Variants in TEX26 observed in about 807,000 individuals in gnomAD.
The protein encoded by TEX26 is testis-expressed protein 26.
In TEX26, 34 loss-of-function variants were observed where a neutral mutation model predicts 35.3. The observed-to-expected ratio is 0.96, with a 90% CI of 0.73 to 1.28. The LOEUF (loss-of-function observed/expected upper bound fraction) is 1.28. Ranked by LOEUF, TEX26 falls within the 50% of genes most tolerant of loss-of-function variation. TEX26 has a pLI of 0.00. For missense variants in TEX26, 371 were observed against 330.1 expected (o/e 1.12, Z -0.96); for synonymous variants, 136 against 111.8 (o/e 1.22, Z -1.36).
chr13:30,934,726 A>G (rs374239296), intron 1 of TEX26, among the ~76,000 whole-genome samples: 4 of 152,224 alleles, frequency 2.6e-5, no homozygotes, highest in South Asian at 2.1e-4. Context: ...CTGAGTTGGG[A>G]TGGGAGCTCC....
intron 1 of TEX26, chr13:30,933,068 G>T (rs1229263409): frequency 4.0e-5 from 13 of 321,206 alleles, no homozygotes; most frequent in South Asian, 1.0e-4. Context: ...AGGAAGAACT[G>T]GTGATTTTCC....
chr13:30,974,975 T>C lies in TEX26; in HGVS notation c.*68T>C, dbSNP rs1954835336. The C allele has an allele frequency of 1.1e-5, 12 of 1,106,368 alleles. No individual in the cohort carries two copies. The highest frequency in any genetic ancestry group is 3.8e-6 in the Non-Finnish European group (3 of 781,514). 68.5% of individuals were successfully genotyped at this position (1,106,368 alleles called of 1,614,324 possible). On this transcript the variant is annotated 3_prime_UTR_variant, in exon 7 of 7. Coordinates refer to ENST00000380473, the MANE Select transcript of TEX26 (RefSeq NM_152325.3). ...GAAGCACGAGGACATTCCTAGTCATTTTCTCAATTATCAAGGAAAAATAAG... is the reference window on the plus strand; with the variant it reads ...GAAGCACGAGGACATTCCTAGTCATCTTCTCAATTATCAAGGAAAAATAAG...
intron 4 of TEX26, among the ~76,000 whole-genome samples, chr13:30,963,073 C>T (rs543166232): frequency 6.6e-6 from 1 of 152,122 alleles, no homozygotes; most frequent in African/African-American, 2.4e-5. Context: ...CGTGATCCAC[C>T]CGCCTCGGCC....
rs1207278379 is a variant in TEX26 at position 30,968,916 on chromosome 13, C to T, written c.678C>T (p.Asn226=). 20 of 1,613,850 alleles carry T rather than the reference C, an allele frequency of 1.2e-5. No homozygotes were observed. The highest frequency in any genetic ancestry group is 1.5e-5 in the Non-Finnish European group (18 of 1,179,954). The change falls in exon 6 of 7, where the codon AAC becomes AAT. Residue 226 remains asparagine, a synonymous_variant. Coordinates refer to ENST00000380473, the MANE Select transcript of TEX26 (RefSeq NM_152325.3). The stretch of plus-strand genomic sequence containing the variant: ...CTGTGCTGCACAGCTACCTGAGGAA[C>T]CAAGAGCACACAAAGAAACAGACCA... ...VPSVLHSYLR[N]QEHTKKQTTY...
intron 1 of TEX26, among the ~76,000 whole-genome samples, chr13:30,938,759 T>G (rs1178551518): frequency 6.6e-6 from 1 of 152,178 alleles, no homozygotes; most frequent in African/African-American, 2.4e-5. Flanking sequence ...CTGGGACACT[T>G]TTTTTGACTT....
At chr13:30,940,169 C>G (rs1953424560) in intron 2 of TEX26, among the ~76,000 whole-genome samples, 1 of 151,944 alleles carries the variant, frequency 6.6e-6, no homozygotes, top group Admixed American at 6.6e-5. Context: ...TACTTGTTAT[C>G]ATAGCATCAC....
chr13:30,955,175 T>A (rs1254269677), intron 3 of TEX26, among the ~76,000 whole-genome samples: 19 of 152,220 alleles, frequency 1.2e-4, no homozygotes, highest in Admixed American at 1.2e-3. Context: ...TGATGAGCTT[T>A]AAAAAATGAA....
At chr13:30,943,978 T>C (rs1357499582) in intron 2 of TEX26, among the ~76,000 whole-genome samples, 1 of 152,050 alleles carries the variant, frequency 6.6e-6, no homozygotes, top group Non-Finnish European at 1.5e-5. Context: ...ATAAAATGAG[T>C]CGGAGAGGAT....
intron 2 of TEX26, among the ~76,000 whole-genome samples, chr13:30,950,972 G>A (rs539085014): frequency 6.6e-6 from 1 of 152,198 alleles, no homozygotes; most frequent in Non-Finnish European, 1.5e-5. Context: ...GTTCTCAGGT[G>A]GATATGTTCT....
At chr13:30,951,457 T>C (rs1038178401) in intron 2 of TEX26, among the ~76,000 whole-genome samples, 1 of 152,228 alleles carries the variant, frequency 6.6e-6, no homozygotes, top group Non-Finnish European at 1.5e-5. Context: ...TGGATGTTTT[T>C]TTCTAACTTC....
At chr13:30,972,439 G>A (rs1471435178) in intron 6 of TEX26, among the ~76,000 whole-genome samples, 1 of 151,404 alleles carries the variant, frequency 6.6e-6, no homozygotes, top group Non-Finnish European at 1.5e-5. Context: ...GGTATCAGAA[G>A]AAAGGATTTT....
chr13:30,971,028 A>G (rs1034956392), intron 6 of TEX26, among the ~76,000 whole-genome samples: 2 of 152,220 alleles, frequency 1.3e-5, no homozygotes, highest in African/African-American at 2.4e-5. Context: ...CTGAAGGCTC[A>G]TGCCCCAGAG....
intron 2 of TEX26, among the ~76,000 whole-genome samples, chr13:30,950,838 C>A (rs1953893945): frequency 1.3e-5 from 2 of 152,122 alleles, no homozygotes; most frequent in South Asian, 4.2e-4. Context: ...ACTGGGGGAC[C>A]CCCTCAGGGT....
At chr13:30,934,869 G>A (rs185307641) in intron 1 of TEX26, among the ~76,000 whole-genome samples, 52 of 152,316 alleles carry the variant, frequency 3.4e-4, no homozygotes, top group African/African-American at 1.2e-3. Flanking sequence ...GCCTCCCTGT[G>A]CCTCTGAGCC....
intron 2 of TEX26, among the ~76,000 whole-genome samples, chr13:30,941,231 A>G (rs1375406650): frequency 6.6e-6 from 1 of 152,184 alleles, no homozygotes; most frequent in African/African-American, 2.4e-5. Flanking sequence ...TTCCCACCAT[A>G]GTATGTGATA....
At chr13:30,951,082 C>T (rs1201788136) in intron 2 of TEX26, among the ~76,000 whole-genome samples, 1 of 152,160 alleles carries the variant, frequency 6.6e-6, no homozygotes, top group Non-Finnish European at 1.5e-5. Flanking sequence ...CAGCCTGTAG[C>T]ATGCGCCTGT....
At chr13:30,974,737 G>T in intron 6 of TEX26, 109 bp from the exon 7 acceptor site, 2 of 1,114,408 alleles carry the variant, frequency 1.8e-6, no homozygotes, top group African/African-American at 3.3e-5. Flanking sequence ...TACCAAATTT[G>T]TGTATTTAGT....
At chr13:30,959,459 G>A (rs1413242706) in intron 4 of TEX26, among the ~76,000 whole-genome samples, 1 of 152,132 alleles carries the variant, frequency 6.6e-6, no homozygotes, top group Non-Finnish European at 1.5e-5. Context: ...CATCCATCAT[G>A]TCAATATAAT....
chr13:30,956,457 T>C (rs991183130), intron 3 of TEX26, among the ~76,000 whole-genome samples: 1 of 152,298 alleles, frequency 6.6e-6, no homozygotes, highest in Non-Finnish European at 1.5e-5. Context: ...TGGCCATTCC[T>C]GTCCTTCAGC....
Sources: gnomAD v4.1 joint callset for allele counts (sites outside exome capture counted in the v4.1 genomes callset) on GRCh38, gnomAD v4.1.1 for gene constraint, MANE v1.5 for transcripts, NCBI Gene and HGNC (gene_info 2026-07-23, HGNC 2026-07-21) for gene names.